DTNB: variants seen among roughly 807,000 people sequenced by gnomAD.
The protein encoded by DTNB is DTN-B.
A neutral mutation model predicts 90.7 loss-of-function variants in DTNB; 63 were observed. That is an observed-to-expected ratio of 0.69 (90% CI 0.57 to 0.86). The LOEUF (loss-of-function observed/expected upper bound fraction) is 0.86. Among genes scored for constraint, DTNB ranks in the 40% least tolerant of loss-of-function variants. The pLI is 0.00. For synonymous variants in DTNB, 277 were observed against 286.7 expected, an observed-to-expected ratio of 0.97 and a Z score of 0.34; for missense variants, 744 against 807.1, an observed-to-expected ratio of 0.92 and a Z score of 0.95.
intron 8 of DTNB, among the ~76,000 whole-genome samples, chr2:25,544,657 T>TA (rs1359565834): frequency 6.6e-6 from 1 of 152,284 alleles, no homozygotes; most frequent in East Asian, 1.9e-4. Context: ...CATGAACACT[T>TA]ACCACAATCT....
intron 2 of DTNB, among the ~76,000 whole-genome samples, chr2:25,643,049 C>T (rs1457954806): frequency 2.6e-5 from 4 of 152,094 alleles, no homozygotes; most frequent in Admixed American, 6.6e-5. Flanking sequence ...CCACCGCGCC[C>T]GGCCCCAGTA....
At chr2:25,628,057 G>T in intron 4 of DTNB, 114 bp downstream of exon 4, 1 of 1,133,500 alleles carries the variant, frequency 8.8e-7, no homozygotes, top group Non-Finnish European at 1.3e-6. Flanking sequence ...TTTTAATCAT[G>T]ATTCTAAGTT....
At chr2:25,589,285 TTG>T (rs1206466559) in intron 6 of DTNB, among the ~76,000 whole-genome samples, 1 of 152,040 alleles carries the variant, frequency 6.6e-6, no homozygotes, top group Non-Finnish European at 1.5e-5. Context: ...CATACACTGA[TTG>T]TAAGAGTGTG....
intron 9 of DTNB, among the ~76,000 whole-genome samples, chr2:25,516,246 C>T (rs1374853568): frequency 1.3e-5 from 2 of 151,834 alleles, no homozygotes; most frequent in African/African-American, 4.8e-5. Context: ...AGTCCTGTCA[C>T]TTTCTTTCTT....
intron 4 of DTNB, 52 bp downstream of exon 4, chr2:25,628,119 G>A: frequency 6.4e-7 from 1 of 1,566,000 alleles, no homozygotes; most frequent in Non-Finnish European, 8.8e-7. Context: ...GAATGATTCA[G>A]AGACAGGTGT....
At chr2:25,636,996 T>C (rs1409510936) in intron 3 of DTNB, among the ~76,000 whole-genome samples, 1 of 152,050 alleles carries the variant, frequency 6.6e-6, no homozygotes, top group African/African-American at 2.4e-5. Context: ...TGCCCAAGAT[T>C]ATTTGTTTAT....
At chr2:25,519,248 T>C (rs2075704360) in intron 9 of DTNB, among the ~76,000 whole-genome samples, 1 of 151,750 alleles carries the variant, frequency 6.6e-6, no homozygotes. Context: ...CCTGTAGTCC[T>C]AGCTACTTGG....
intron 16 of DTNB, among the ~76,000 whole-genome samples, chr2:25,413,897 C>T (rs1281793108): frequency 6.6e-6 from 1 of 152,226 alleles, no homozygotes; most frequent in Non-Finnish European, 1.5e-5. Flanking sequence ...GTCCCACCAA[C>T]AGTGTAAAAG....
chr2:25,530,656 T>C (rs1278707581), intron 9 of DTNB, among the ~76,000 whole-genome samples: 1 of 152,122 alleles, frequency 6.6e-6, no homozygotes, highest in Admixed American at 6.6e-5. Context: ...GGTATCTAAA[T>C]AATTGAAAGA....
intron 18 of DTNB, 58 bp from the exon 19 acceptor site, chr2:25,383,947 G>A: frequency 6.2e-7 from 1 of 1,613,020 alleles, no homozygotes. Flanking sequence ...AGTACAGAAG[G>A]AGGGTGAACA....
intron 2 of DTNB, among the ~76,000 whole-genome samples, chr2:25,649,595 T>C (rs759327113): frequency 4.6e-5 from 7 of 152,054 alleles, no homozygotes; most frequent in Non-Finnish European, 1.0e-4. Context: ...GGCACACGCC[T>C]GTAGTCCCAG....
intron 1 of DTNB, among the ~76,000 whole-genome samples, chr2:25,672,244 A>G: frequency 7.0e-6 from 1 of 142,380 alleles, no homozygotes; most frequent in African/African-American, 2.6e-5. Flanking sequence ...AGAGGCAGAG[A>G]GAGAGAACTT....
intron 8 of DTNB, among the ~76,000 whole-genome samples, chr2:25,551,762 G>A (rs2083708425): frequency 6.6e-6 from 1 of 152,166 alleles, no homozygotes; most frequent in South Asian, 2.1e-4. Context: ...CTTGAAACTG[G>A]ATCTATTGCT....
Position 25,508,621 on chromosome 2 carries a change from G to A in DTNB, c.1001+22852C>T, listed in dbSNP as rs530361140. 1.4e-4 allele frequency among the ~76,000 whole-genome samples: 21 copies of A among 145,254 alleles called. No individual in the cohort carries two copies. The East Asian group carries it at 3.0e-3, about 21-fold the overall frequency. Reference sequence around the variant, plus strand: ...ATGATCTTGGCTCACCACAACCTCCGCCTCCCGGGTTCAAGCGATACTCCC... The same window carrying A: ...ATGATCTTGGCTCACCACAACCTCCACCTCCCGGGTTCAAGCGATACTCCC... On this transcript the variant is annotated intron_variant, in intron 9 of 20. Transcript: ENST00000406818.
At chr2:25,481,236 G>GA (rs563043183) in intron 10 of DTNB, among the ~76,000 whole-genome samples, 51 of 143,942 alleles carry the variant, frequency 3.5e-4, no homozygotes, top group East Asian at 1.0e-3. Flanking sequence ...AATCTCTACT[G>GA]AAAAAAAAAA....
At position 25,482,878 on chromosome 2, in the gene DTNB, A is replaced by G; in HGVS notation, c.1002-5T>C. On this transcript the variant is annotated splice_region_variant and splice_polypyrimidine_tract_variant and intron_variant, in intron 9 of 20. Coordinates refer to ENST00000406818, the MANE Select transcript of DTNB (RefSeq NM_021907.5). The stretch of plus-strand genomic sequence containing the variant: ...TTAGTCAGAGGGCGAGGAGGACTGA[A>G]AGAAAAGACATTTACCTTATATTAA... 6.2e-7 allele frequency: 1 copy of G among 1,601,222 alleles called. No individual in the cohort carries two copies. Among genetic ancestry groups the G allele is most frequent in the Admixed American group, 1.8e-5 (1 of 55,568 alleles).
chr2:25,535,490 G>C (rs796120822), intron 8 of DTNB, among the ~76,000 whole-genome samples: 7 of 142,338 alleles, frequency 4.9e-5, no homozygotes, highest in Non-Finnish European at 1.1e-4. Flanking sequence ...CTTCCTCCCA[G>C]ACAGGGTTGC....
intron 8 of DTNB, among the ~76,000 whole-genome samples, chr2:25,543,532 G>A (rs2081780346): frequency 6.6e-6 from 1 of 152,108 alleles, no homozygotes; most frequent in Non-Finnish European, 1.5e-5. Flanking sequence ...AGGAACTCCT[G>A]ACCTCAAGTG....
chr2:25,445,152 A>G (rs1194148426), intron 12 of DTNB, among the ~76,000 whole-genome samples: 1 of 152,228 alleles, frequency 6.6e-6, no homozygotes, highest in Non-Finnish European at 1.5e-5. Flanking sequence ...ACTCAGTAAG[A>G]CTATATAACG....
Sources: allele counts gnomAD v4.1 joint callset (sites outside exome capture counted in the v4.1 genomes callset), GRCh38; gene constraint gnomAD v4.1.1; transcripts MANE v1.5; gene names NCBI Gene and HGNC (gene_info 2026-07-23, HGNC 2026-07-21).